Variants in UHRF2 observed in about 807,000 individuals in gnomAD.
UHRF2 encodes the protein E3 ubiquitin-protein ligase UHRF2.
A neutral mutation model predicts 96.8 loss-of-function variants in UHRF2; 23 were observed. The ratio of observed to expected loss-of-function variants is 0.24; its 90% confidence interval spans 0.17 to 0.34. UHRF2 has a LOEUF of 0.34. Among genes scored for constraint, UHRF2 ranks in the 10% least tolerant of loss-of-function variants. UHRF2 has a pLI of 1.00. For missense variants in UHRF2, 685 were observed against 981.5 expected, an observed-to-expected ratio of 0.70 and a Z score of 4.04; for synonymous variants, 385 against 332.6, an observed-to-expected ratio of 1.16 and a Z score of -1.72.
intron 9 of UHRF2, among the ~76,000 whole-genome samples, chr9:6,488,480 C>T (rs1335455019): frequency 1.3e-5 from 2 of 149,832 alleles, no homozygotes; most frequent in Non-Finnish European, 3.0e-5. Flanking sequence ...ACCTATCAGA[C>T]GTAGCCCCCC....
chr9:6,443,124 A>G (rs189557489), intron 3 of UHRF2, among the ~76,000 whole-genome samples: 2 of 152,354 alleles, frequency 1.3e-5, no homozygotes, highest in East Asian at 1.9e-4. Context: ...ATGAAAGTTA[A>G]TATGTCTGTA....
intron 2 of UHRF2, among the ~76,000 whole-genome samples, chr9:6,426,420 A>C (rs570277074): frequency 1.2e-4 from 18 of 152,324 alleles, no homozygotes; most frequent in African/African-American, 4.3e-4. Context: ...AGCACATTGG[A>C]ATCTAGTAAT....
In UHRF2 at chr9:6,506,034, A is replaced by G; in HGVS notation, c.2264A>G (p.Asp755Gly). Residue 755 changes from aspartate to glycine, a missense_variant and splice_region_variant, in exon 16 of 16, where the codon GAT becomes GGT. Around this residue, in one of 6 missense-constraint regions of UHRF2, gnomAD observed 71 missense variants for 114.1 expected, o/e 0.62. Coordinates refer to ENST00000276893, the MANE Select transcript of UHRF2 (RefSeq NM_152896.3). ...TTECFHNVCK[D>G]CLQRSFKAQV... is the part of the protein sequence containing the mutation. ...TGGATGTTTTTGTTTTTACCATAGG[A>G]TTGCCTACAGCGCTCCTTTAAGGCA... 6.2e-7 allele frequency: 1 copy of G among 1,614,038 alleles called. No homozygotes were observed. Among genetic ancestry groups the G allele is most frequent in the Non-Finnish European group, 8.5e-7 (1 of 1,179,996 alleles).
intron 3 of UHRF2, among the ~76,000 whole-genome samples, chr9:6,459,102 G>C (rs1328275110): frequency 6.6e-6 from 1 of 152,168 alleles, no homozygotes; most frequent in Non-Finnish European, 1.5e-5. Flanking sequence ...AGCATTAGGA[G>C]AAATACCTAA....
intron 10 of UHRF2, chr9:6,494,524 A>G (rs1389108158): frequency 6.6e-6 from 1 of 152,182 alleles, no homozygotes; most frequent in Admixed American, 6.5e-5. Context: ...CTATAGAAAT[A>G]CTAATGACAT....
intron 2 of UHRF2, among the ~76,000 whole-genome samples, chr9:6,432,921 A>C (rs532345251): frequency 4.6e-5 from 7 of 151,746 alleles, no homozygotes; most frequent in African/African-American, 1.7e-4. Context: ...GTTCACTGCA[A>C]CCTCCACCTC....
chr9:6,426,101 G>A (rs1298652227), intron 2 of UHRF2, among the ~76,000 whole-genome samples: 1 of 152,198 alleles, frequency 6.6e-6, no homozygotes, highest in Non-Finnish European at 1.5e-5. Flanking sequence ...TTAAATTTCT[G>A]TTTAGCAAAC....
At chr9:6,475,873 TG>T (rs1366225282) in intron 5 of UHRF2, among the ~76,000 whole-genome samples, 1 of 152,228 alleles carries the variant, frequency 6.6e-6, no homozygotes, top group Non-Finnish European at 1.5e-5. Flanking sequence ...TATCATTTTT[TG>T]TGTGTGTTGG....
At chr9:6,428,675 G>C (rs1378739269) in intron 2 of UHRF2, among the ~76,000 whole-genome samples, 2 of 149,460 alleles carry the variant, frequency 1.3e-5, no homozygotes, top group Non-Finnish European at 3.0e-5. Context: ...TCAGCTTCCT[G>C]AGTAACCGGG....
chr9:6,463,222 C>T (rs117408110), intron 4 of UHRF2, among the ~76,000 whole-genome samples: 3 of 149,672 alleles, frequency 2.0e-5, no homozygotes, highest in South Asian at 2.1e-4. Flanking sequence ...CGCAGATTGC[C>T]GTGAGCTGAG....
chr9:6,490,486 G>T (rs1824594285), intron 9 of UHRF2, among the ~76,000 whole-genome samples: 1 of 152,256 alleles, frequency 6.6e-6, no homozygotes, highest in Middle Eastern at 3.4e-3. Context: ...AAATTACCCA[G>T]GCGTGGTGAT....
intron 10 of UHRF2, chr9:6,495,755 T>C (rs890704338): frequency 2.0e-5 from 3 of 152,178 alleles, no homozygotes; most frequent in Non-Finnish European, 4.4e-5. Context: ...TTGAATAGCC[T>C]AATTATCTGA....
chr9:6,488,111 C>T (rs962165548), intron 9 of UHRF2, among the ~76,000 whole-genome samples: 3 of 151,470 alleles, frequency 2.0e-5, no homozygotes, highest in African/African-American at 7.3e-5. Context: ...GGTGTGGTGG[C>T]ATGTGCCTGT....
intron 3 of UHRF2, among the ~76,000 whole-genome samples, chr9:6,436,471 A>G (rs1273170473): frequency 6.6e-6 from 1 of 152,194 alleles, no homozygotes; most frequent in Non-Finnish European, 1.5e-5. Context: ...AATAAGTAGA[A>G]TGTTTTAAGT....
chr9:6,484,871 G>T (rs1230227656), intron 8 of UHRF2, among the ~76,000 whole-genome samples: 5 of 121,996 alleles, frequency 4.1e-5, no homozygotes. Context: ...TCGGCTCACC[G>T]CAACCTCCGC....
chr9:6,500,833 G>T (rs372618340), intron 14 of UHRF2, 124 bp downstream of exon 14: 2 of 852,386 alleles, frequency 2.3e-6, no homozygotes, highest in Admixed American at 3.1e-5. Flanking sequence ...TTCTAATCCA[G>T]TGCCACTACC....
At chr9:6,459,692 G>T (rs10119962) in intron 3 of UHRF2, among the ~76,000 whole-genome samples, 2,925 of 152,224 alleles carry the variant, frequency 0.019, 88 homozygotes, top group African/African-American at 0.066. Flanking sequence ...AAAAACTTGA[G>T]GCCTGACATG....
rs193145896 is a variant in UHRF2, at chr9:6,422,556, A to G, written c.384+1414A>G. On this transcript the variant is annotated intron_variant, in intron 2 of 15. Transcript: ENST00000276893. ...CAGCTTGGAGAATCGACATCTTTAC[A>G]ATGTTGAGTCTTTTAATTCATGAAC... The G allele has an allele frequency of 3.0e-3, 1,471 of 485,084 alleles. 2 individuals carry two copies. Among genetic ancestry groups the G allele is most frequent in the Non-Finnish European group, 3.2e-3 (829 of 259,224 alleles). The allele number at this position is 485,084 out of a possible 1,614,324, so 30.0% of individuals were successfully genotyped here. A position where few individuals can be genotyped will look rare whatever the true frequency, so the allele number is the denominator to read the frequency against.
At chr9:6,481,105 G>C (rs550311723) in intron 6 of UHRF2, among the ~76,000 whole-genome samples, 205 of 152,246 alleles carry the variant, frequency 1.3e-3, no homozygotes, top group Non-Finnish European at 2.6e-3. Context: ...AGTTACAGTA[G>C]GGTAATCAAT....
Sources: allele counts gnomAD v4.1 joint callset (sites outside exome capture counted in the v4.1 genomes callset), GRCh38; gene constraint gnomAD v4.1.1; regional missense constraint gnomAD v4.1.1; transcripts MANE v1.5; gene names NCBI Gene and HGNC (gene_info 2026-07-23, HGNC 2026-07-21).